Variants in ITGBL1 observed in about 807,000 individuals in gnomAD.
ITGBL1 encodes the protein integrin beta-like protein 1.
In ITGBL1, 51 loss-of-function variants were observed where a neutral mutation model predicts 68.5. The observed-to-expected ratio is 0.74, with a 90% CI of 0.59 to 0.94. ITGBL1 has a LOEUF of 0.94. Ranked by LOEUF, ITGBL1 falls within the 40% of genes least tolerant of loss-of-function variation. ITGBL1 has a pLI of 0.00. For missense variants in ITGBL1, 649 were observed against 647.4 expected (o/e 1.00, Z -0.03); for synonymous variants, 209 against 227.3 (o/e 0.92, Z 0.72).
chr13:101,561,397 G>A (rs1028025114), intron 2 of ITGBL1, among the ~76,000 whole-genome samples: 4 of 152,102 alleles, frequency 2.6e-5, no homozygotes, highest in East Asian at 1.9e-4. Context: ...TTTCACTGTC[G>A]GGGAAAGGGT....
At chr13:101,683,427 C>T (rs1469998932) in intron 7 of ITGBL1, among the ~76,000 whole-genome samples, 1 of 151,964 alleles carries the variant, frequency 6.6e-6, no homozygotes, top group Non-Finnish European at 1.5e-5. Context: ...CTTTTAATTG[C>T]TATAGTGTTT....
chr13:101,509,483 ATAAAT>A (rs2049080632), intron 2 of ITGBL1, among the ~76,000 whole-genome samples: 1 of 152,198 alleles, frequency 6.6e-6, no homozygotes, highest in Non-Finnish European at 1.5e-5. Flanking sequence ...ATTTACAAAC[ATAAAT>A]TAATATTCTA....
At chr13:101,483,644 G>A (rs2048658674) in intron 2 of ITGBL1, among the ~76,000 whole-genome samples, 1 of 152,202 alleles carries the variant, frequency 6.6e-6, no homozygotes, top group African/African-American at 2.4e-5. Context: ...ATTTGGGCTA[G>A]TGTGGAGGAT....
At chr13:101,480,377 A>G (rs1372553146) in intron 2 of ITGBL1, among the ~76,000 whole-genome samples, 1 of 152,034 alleles carries the variant, frequency 6.6e-6, no homozygotes, top group Non-Finnish European at 1.5e-5. Context: ...GTACAAAAAT[A>G]TAGTTAGATA....
intron 2 of ITGBL1, among the ~76,000 whole-genome samples, chr13:101,500,230 G>A (rs913543340): frequency 6.6e-6 from 1 of 152,142 alleles, no homozygotes; most frequent in Non-Finnish European, 1.5e-5. Flanking sequence ...ATATTATGCA[G>A]TATCTCTTTA....
intron 7 of ITGBL1, among the ~76,000 whole-genome samples, chr13:101,610,396 A>G (rs2031068055): frequency 6.6e-6 from 1 of 152,176 alleles, no homozygotes; most frequent in Admixed American, 6.6e-5. Context: ...CTCTTAGGAT[A>G]CACAAAACTT....
At chr13:101,559,275 T>G (rs2050061942) in intron 2 of ITGBL1, among the ~76,000 whole-genome samples, 1 of 152,158 alleles carries the variant, frequency 6.6e-6, no homozygotes. Context: ...ACTACTTTGT[T>G]GTGAGAAAAA....
At chr13:101,572,699 G>A (rs1466308700) in intron 3 of ITGBL1, among the ~76,000 whole-genome samples, 1 of 152,056 alleles carries the variant, frequency 6.6e-6, no homozygotes, top group African/African-American at 2.4e-5. Context: ...AAGTCTCTGA[G>A]CTGTTGTAAA....
intron 2 of ITGBL1, among the ~76,000 whole-genome samples, chr13:101,503,886 G>A (rs1243558518): frequency 1.3e-5 from 2 of 152,178 alleles, no homozygotes; most frequent in Admixed American, 1.3e-4. Flanking sequence ...GTGATAGGCT[G>A]GAGCAGGTTG....
At chr13:101,525,065 T>A (rs1175136716) in intron 2 of ITGBL1, among the ~76,000 whole-genome samples, 1 of 152,152 alleles carries the variant, frequency 6.6e-6, no homozygotes, top group Non-Finnish European at 1.5e-5. Context: ...TTTGAGCACC[T>A]CTAGCTATAG....
chr13:101,660,158 T>A (rs1023460335), intron 7 of ITGBL1, among the ~76,000 whole-genome samples: 1 of 152,154 alleles, frequency 6.6e-6, no homozygotes, highest in African/African-American at 2.4e-5. Flanking sequence ...AGAAATAGTT[T>A]AATAAAGTTG....
At chr13:101,453,848 T>C in intron 1 of ITGBL1, 35 bp from the exon 2 acceptor site, 2 of 1,224,604 alleles carry the variant, frequency 1.6e-6, no homozygotes, top group Non-Finnish European at 2.0e-6. Flanking sequence ...CGTCCGCGTC[T>C]GACCCGGCCT....
intron 2 of ITGBL1, among the ~76,000 whole-genome samples, chr13:101,521,330 A>AC (rs2049280764): frequency 1.3e-5 from 2 of 152,238 alleles, no homozygotes. Flanking sequence ...TGGGAAACAG[A>AC]CAATAAGTGA....
chr13:101,545,181 G>A (rs2049797509), intron 2 of ITGBL1, among the ~76,000 whole-genome samples: 1 of 152,126 alleles, frequency 6.6e-6, no homozygotes, highest in African/African-American at 2.4e-5. Flanking sequence ...TTCCTATTTG[G>A]CCATCTTGGC....
intron 2 of ITGBL1, among the ~76,000 whole-genome samples, chr13:101,520,560 A>G (rs925141364): frequency 6.6e-6 from 1 of 152,200 alleles, no homozygotes; most frequent in Non-Finnish European, 1.5e-5. Context: ...CTGTTGCCAT[A>G]GTTCCATGGA....
intron 2 of ITGBL1, among the ~76,000 whole-genome samples, chr13:101,492,030 C>T (rs537097459): frequency 3.5e-4 from 54 of 152,260 alleles, no homozygotes; most frequent in Middle Eastern, 3.4e-3. Context: ...TCCAGTCTAT[C>T]ATTGATGGGC....
chr13:101,708,369 CT>C (rs199730510), intron 9 of ITGBL1, among the ~76,000 whole-genome samples: 8 of 150,280 alleles, frequency 5.3e-5, no homozygotes, highest in East Asian at 2.0e-4. Context: ...CACAGACACA[CT>C]TTTTTTTTTC....
At chr13:101,632,896 A>T (rs1050724180) in intron 7 of ITGBL1, among the ~76,000 whole-genome samples, 1 of 152,166 alleles carries the variant, frequency 6.6e-6, no homozygotes, top group African/African-American at 2.4e-5. Flanking sequence ...TATTGCTTTG[A>T]TCAGATAATG....
intron 2 of ITGBL1, among the ~76,000 whole-genome samples, chr13:101,497,456 T>C (rs2048873068): frequency 6.6e-6 from 1 of 152,210 alleles, no homozygotes; most frequent in Non-Finnish European, 1.5e-5. Context: ...ACAGTCCGTA[T>C]GCCATCCTCA....
Sources: allele counts gnomAD v4.1 joint callset (sites outside exome capture counted in the v4.1 genomes callset), GRCh38; gene constraint gnomAD v4.1.1; transcripts MANE v1.5; gene names NCBI Gene and HGNC (gene_info 2026-07-23, HGNC 2026-07-21).